HCRTR2: variants seen among roughly 807,000 people sequenced by gnomAD.
HCRTR2 encodes the protein orexin receptor type 2.
A neutral mutation model predicts 49.0 loss-of-function variants in HCRTR2; 22 were observed. That is an observed-to-expected ratio of 0.45 (90% CI 0.32 to 0.64). The LOEUF is 0.64. HCRTR2 is among the 30% of genes least tolerant of loss of function. The probability of loss-of-function intolerance (pLI) is 0.04; values close to 1 mark genes in which losing one functional copy is unlikely to be tolerated. For synonymous variants in HCRTR2, 236 were observed against 205.3 expected (o/e 1.15, Z -1.28); for missense variants, 491 against 559.4 (o/e 0.88, Z 1.23).
chr6:55,109,347 C>G (rs1240206310), intron 1 of HCRTR2, among the ~76,000 whole-genome samples: 1 of 152,052 alleles, frequency 6.6e-6, no homozygotes, highest in Admixed American at 6.6e-5. Context: ...ACTAGCTCAC[C>G]AGCAATTGAT....
chr6:55,140,580 T>C (rs1425232228), intron 1 of HCRTR2, among the ~76,000 whole-genome samples: 2 of 152,218 alleles, frequency 1.3e-5, no homozygotes, highest in African/African-American at 2.4e-5. Flanking sequence ...ACATTATTTA[T>C]AATCACAACT....
At chr6:55,154,215 T>A (rs1258882676) in intron 1 of HCRTR2, among the ~76,000 whole-genome samples, 4 of 151,874 alleles carry the variant, frequency 2.6e-5, no homozygotes, top group Admixed American at 2.6e-4. Flanking sequence ...TTAATGCCAA[T>A]CATTCATTCT....
At chr6:55,202,326 A>AAAC (rs1765525753) in intron 1 of HCRTR2, among the ~76,000 whole-genome samples, 1 of 152,190 alleles carries the variant, frequency 6.6e-6, no homozygotes, top group Non-Finnish European at 1.5e-5. Flanking sequence ...GCACATTGGA[A>AAAC]AACATTTATC....
At chr6:55,122,483 A>C (rs964134001) in intron 1 of HCRTR2, among the ~76,000 whole-genome samples, 69 of 152,068 alleles carry the variant, frequency 4.5e-4, no homozygotes, top group African/African-American at 1.5e-3. Flanking sequence ...CTCTGACTTT[A>C]GTTATCTCTT....
chr6:55,173,542 A>G (rs1016131949), upstream of HCRTR2, among the ~76,000 whole-genome samples: 2 of 152,240 alleles, frequency 1.3e-5, no homozygotes, highest in African/African-American at 4.8e-5. Context: ...AGAGAATGGC[A>G]GGTGACATCA....
chr6:55,250,397 C>T (rs1481574647), intron 2 of HCRTR2, among the ~76,000 whole-genome samples: 1 of 152,108 alleles, frequency 6.6e-6, no homozygotes, highest in African/African-American at 2.4e-5. Context: ...CTCTGTGGTA[C>T]TTCCAGAAAG....
chr6:55,262,575 T>C (rs1044625719), intron 3 of HCRTR2, among the ~76,000 whole-genome samples: 1 of 134,032 alleles, frequency 7.5e-6, no homozygotes, highest in African/African-American at 2.8e-5. Context: ...TATTTATATA[T>C]AAATAAAATA....
intron 1 of HCRTR2, among the ~76,000 whole-genome samples, chr6:55,132,666 A>T (rs1764374816): frequency 6.6e-6 from 1 of 151,842 alleles, no homozygotes; most frequent in Admixed American, 6.6e-5. Context: ...CTTAAGGGAA[A>T]GAAGACATGG....
chr6:55,248,255 ACAATT>A (rs1417976470), intron 1 of HCRTR2, among the ~76,000 whole-genome samples: 2 of 152,142 alleles, frequency 1.3e-5, no homozygotes, highest in Non-Finnish European at 2.9e-5. Context: ...GGCAAACACT[ACAATT>A]CAATAAAAAT....
chr6:55,280,297 C>G (rs1354173278), intron 5 of HCRTR2, 26 bp from the exon 6 acceptor site: 3 of 1,452,148 alleles, frequency 2.1e-6, no homozygotes, highest in South Asian at 2.3e-5. Context: ...TTAAAAGACA[C>G]TTTTCTGTTG....
chr6:55,217,942 C>T (rs1765819137), intron 1 of HCRTR2, among the ~76,000 whole-genome samples: 1 of 152,146 alleles, frequency 6.6e-6, no homozygotes. Context: ...ATGGGATATA[C>T]AGAAGGGGAT....
At chr6:55,230,057 TCTGA>T (rs1410421691) in intron 1 of HCRTR2, among the ~76,000 whole-genome samples, 1 of 152,168 alleles carries the variant, frequency 6.6e-6, no homozygotes, top group African/African-American at 2.4e-5. Flanking sequence ...CCTGGAGCTC[TCTGA>T]CTGGTCAGGC....
At chr6:55,161,531 A>G (rs897512651) in intron 1 of HCRTR2, among the ~76,000 whole-genome samples, 8 of 152,188 alleles carry the variant, frequency 5.3e-5, no homozygotes, top group African/African-American at 1.9e-4. Context: ...TCATAAATCA[A>G]TGAATCCAAG....
intron 4 of HCRTR2, among the ~76,000 whole-genome samples, chr6:55,265,714 A>G (rs1233979318): frequency 2.6e-5 from 4 of 152,088 alleles, no homozygotes; most frequent in Admixed American, 6.6e-5. Context: ...ATGATACACT[A>G]TACAGAAGTC....
At chr6:55,182,449 G>A (rs1765149253) in intron 1 of HCRTR2, among the ~76,000 whole-genome samples, 1 of 152,212 alleles carries the variant, frequency 6.6e-6, no homozygotes, top group African/African-American at 2.4e-5. Flanking sequence ...CTTGTGGTGA[G>A]CAGCTGTTGG....
chr6:55,237,612 A>G (rs887445988), intron 1 of HCRTR2, among the ~76,000 whole-genome samples: 1 of 152,182 alleles, frequency 6.6e-6, no homozygotes, highest in African/African-American at 2.4e-5. Flanking sequence ...TTTGAGAAGA[A>G]AAGAGGCTAA....
At chr6:55,134,294 G>A (rs1015233501) in intron 1 of HCRTR2, among the ~76,000 whole-genome samples, 1 of 151,704 alleles carries the variant, frequency 6.6e-6, no homozygotes, top group African/African-American at 2.4e-5. Flanking sequence ...ACAGAACACA[G>A]TATGATAAAG....
intron 1 of HCRTR2, among the ~76,000 whole-genome samples, chr6:55,230,675 C>T (rs1581843820): frequency 1.3e-5 from 2 of 151,940 alleles, no homozygotes; most frequent in South Asian, 2.1e-4. Context: ...GTATTTTGTA[C>T]GAAATGGATA....
chr6:55,155,792 C>G (rs1233352248), intron 1 of HCRTR2, among the ~76,000 whole-genome samples: 1 of 151,984 alleles, frequency 6.6e-6, no homozygotes, highest in East Asian at 1.9e-4. Context: ...AACTCGTTGG[C>G]TATCTTAGGA....
Sources: allele counts gnomAD v4.1 joint callset (sites outside exome capture counted in the v4.1 genomes callset), GRCh38; gene constraint gnomAD v4.1.1; transcripts MANE v1.5; gene names NCBI Gene and HGNC (gene_info 2026-07-23, HGNC 2026-07-21).